PRMT7: variants seen among roughly 807,000 people sequenced by gnomAD.
PRMT7 encodes the protein protein arginine methyltransferase 7, also known as protein arginine N-methyltransferase 7.
In PRMT7, 75 loss-of-function variants were observed where a neutral mutation model predicts 85.4. The observed-to-expected ratio is 0.88, with a 90% CI of 0.73 to 1.06. The LOEUF is 1.06. Ranked by LOEUF, PRMT7 falls within the 50% of genes least tolerant of loss-of-function variation. PRMT7 has a pLI of 0.00. For synonymous variants in PRMT7, 397 were observed against 359.5 expected (o/e 1.10, Z -1.18); for missense variants, 868 against 915.2 (o/e 0.95, Z 0.67).
chr16:68,328,158 C>T (rs1180267504), intron 5 of PRMT7: 1 of 296,764 alleles, frequency 3.4e-6, no homozygotes, highest in Non-Finnish European at 7.4e-6. Flanking sequence ...TCCACGCTGA[C>T]TTCTGACCAA....
intron 5 of PRMT7, among the ~76,000 whole-genome samples, chr16:68,326,486 TC>T (rs2083134912): frequency 6.6e-6 from 1 of 152,096 alleles, no homozygotes; most frequent in Non-Finnish European, 1.5e-5. Flanking sequence ...TCTCAGGGGA[TC>T]CCCCCACCTC....
intron 2 of PRMT7, 29 bp downstream of exon 2, chr16:68,312,205 T>TTATATATA (rs61533636): frequency 1.4e-4 from 18 of 130,642 alleles, no homozygotes; most frequent in African/African-American, 5.3e-4. Flanking sequence ...ATATGTATAT[T>TTATATATA]TATATATATA....
chr16:68,339,192 T>A, intron 7 of PRMT7, 130 bp from the exon 8 acceptor site: 3 of 1,179,534 alleles, frequency 2.5e-6, no homozygotes, highest in Non-Finnish European at 2.4e-6. Context: ...TTCACTATTC[T>A]AATAGTATAA....
intron 16 of PRMT7, 91 bp downstream of exon 16, chr16:68,353,657 T>C: frequency 7.9e-7 from 1 of 1,262,364 alleles, no homozygotes; most frequent in South Asian, 1.7e-5. Flanking sequence ...CACAGGCTCT[T>C]CTGTTGGGGG....
intron 14 of PRMT7, among the ~76,000 whole-genome samples, chr16:68,350,612 T>G (rs1022076446): frequency 6.6e-6 from 1 of 152,254 alleles, no homozygotes; most frequent in Non-Finnish European, 1.5e-5. Context: ...TATTGAGATA[T>G]AATTCACATA....
chr16:68,358,468 T>C lies in PRMT7; in HGVS notation c.*1244T>C, dbSNP rs999377912. On this transcript the variant is annotated 3_prime_UTR_variant, in exon 19 of 19. Coordinates refer to ENST00000441236, the MANE Select transcript of PRMT7 (RefSeq NM_019023.5). ...TCTAGGGAAGAACCGTCTGGATATA[T>C]ATTTGATAATGTTTTTACCAAAACC... The C allele has an allele frequency of 4.6e-5, 7 of 152,700 alleles. No homozygotes were observed. Among genetic ancestry groups the C allele is most frequent in the African/African-American group, 9.6e-5 (4 of 41,470 alleles). The allele number at this position is 152,700 out of a possible 1,614,324, so 9.5% of individuals were successfully genotyped here.
At chr16:68,347,326 T>C (rs2086569685) in intron 12 of PRMT7, 32 bp downstream of exon 12, 1 of 1,507,926 alleles carries the variant, frequency 6.6e-7, no homozygotes, top group African/African-American at 1.4e-5. Context: ...AGCCTCCTGA[T>C]GTGGGCTTGT....
In PRMT7 at chr16:68,352,412, A is replaced by G; in HGVS notation, c.1575+3A>G. On this transcript the variant is annotated splice_donor_region_variant and intron_variant, in intron 15 of 18. Transcript: ENST00000441236. ...ACGCTGTGGTTGTGGAGTTCAGGGT[A>G]GGCCACCCAGGGGATGTTGGAGAAA... The G allele has an allele frequency of 6.3e-7, 1 of 1,587,650 alleles. No individual in the cohort carries two copies. Among genetic ancestry groups the G allele is most frequent in the Non-Finnish European group, 8.6e-7 (1 of 1,169,570 alleles).
intron 6 of PRMT7, among the ~76,000 whole-genome samples, chr16:68,336,508 TGTC>T (rs2084716253): frequency 6.6e-6 from 1 of 152,222 alleles, no homozygotes; most frequent in Non-Finnish European, 1.5e-5. Context: ...AGAACCTTGT[TGTC>T]TTGCTTTGGC....
intron 4 of PRMT7, among the ~76,000 whole-genome samples, chr16:68,322,888 G>A (rs992649879): frequency 3.0e-4 from 46 of 151,958 alleles, no homozygotes; most frequent in Non-Finnish European, 2.9e-4. Context: ...AAAAAAAGCC[G>A]AGCGTGGTGG....
intron 14 of PRMT7, among the ~76,000 whole-genome samples, chr16:68,349,310 G>A (rs1405217293): frequency 6.7e-6 from 1 of 149,006 alleles, no homozygotes; most frequent in African/African-American, 2.5e-5. Flanking sequence ...TGGTAATCAC[G>A]TTCCTTCTCA....
chr16:68,343,308 C>T (rs1267846516), intron 9 of PRMT7, among the ~76,000 whole-genome samples: 2 of 152,146 alleles, frequency 1.3e-5, no homozygotes, highest in East Asian at 3.8e-4. Flanking sequence ...TAACCACAAC[C>T]ATAGCCAACC....
At chr16:68,356,589 G>A in intron 17 of PRMT7, 112 bp from the exon 18 acceptor site, 1 of 761,272 alleles carries the variant, frequency 1.3e-6, no homozygotes, top group South Asian at 1.7e-5. Flanking sequence ...TCCCGGCAGG[G>A]CAGGAAGGAA....
chr16:68,312,229 A>ATATATATATTTT (rs1419393129), intron 2 of PRMT7, 53 bp downstream of exon 2: 3 of 112,694 alleles, frequency 2.7e-5, no homozygotes, highest in African/African-American at 1.1e-4. Context: ...ATATATATAT[A>ATATATATATTTT]TTTTTTTTTT....
intron 1 of PRMT7, 96 bp downstream of exon 1, chr16:68,311,195 C>T (rs529130591): frequency 5.2e-6 from 3 of 576,922 alleles, no homozygotes; most frequent in East Asian, 3.0e-5. Context: ...GCAGAGGAGC[C>T]TAGCGTGGGC....
At chr16:68,353,245 G>T in intron 15 of PRMT7, 1 of 673,420 alleles carries the variant, frequency 1.5e-6, no homozygotes, top group Non-Finnish European at 2.2e-6. Context: ...GCAGCCCCCA[G>T]CCTAGGAGCT....
intron 6 of PRMT7, among the ~76,000 whole-genome samples, chr16:68,335,445 C>T (rs144192521): frequency 1.0e-3 from 158 of 151,866 alleles, no homozygotes; most frequent in Middle Eastern, 3.4e-3. Flanking sequence ...CAGTGTATTC[C>T]AGTTGGAGTT....
At chr16:68,333,065 C>G (rs922858378) in intron 6 of PRMT7, among the ~76,000 whole-genome samples, 2 of 152,166 alleles carry the variant, frequency 1.3e-5, no homozygotes, top group African/African-American at 4.8e-5. Context: ...GCGAACACAG[C>G]TCACTGCAGC....
chr16:68,339,224 A>T (rs1007957792), intron 7 of PRMT7, 98 bp from the exon 8 acceptor site: 9 of 1,519,492 alleles, frequency 5.9e-6, no homozygotes, highest in Non-Finnish European at 8.0e-6. Context: ...TTACTGAACC[A>T]ACCTAATGTT....
Sources: allele counts gnomAD v4.1 joint callset (sites outside exome capture counted in the v4.1 genomes callset), GRCh38; gene constraint gnomAD v4.1.1; transcripts MANE v1.5; gene names NCBI Gene and HGNC (gene_info 2026-07-23, HGNC 2026-07-21).